ATRNL1: variants seen among roughly 807,000 people sequenced by gnomAD.
The protein encoded by ATRNL1 is attractin like 1.
Under a neutral mutation model 182.7 loss-of-function variants are expected in ATRNL1, and 95 were observed. That is an observed-to-expected ratio of 0.52 (90% confidence interval 0.44 to 0.62). The LOEUF is 0.62. Ranked by LOEUF, ATRNL1 falls within the 20% of genes least tolerant of loss-of-function variation. The probability of loss-of-function intolerance (pLI) is 0.00; values close to 1 mark genes in which losing one functional copy is unlikely to be tolerated. For missense variants in ATRNL1, 1,471 were observed against 1,679.5 expected (o/e 0.88, Z 2.17); for synonymous variants, 576 against 568.3 (o/e 1.01, Z -0.19).
chr10:115,502,817 A>G (rs529554126), intron 24 of ATRNL1, among the ~76,000 whole-genome samples: 7 of 152,114 alleles, frequency 4.6e-5, no homozygotes, highest in Non-Finnish European at 8.8e-5. Context: ...GAGTGCAGCA[A>G]ATCACCATGG....
rs782759728 is a variant in ATRNL1 at position 115,467,228 on chromosome 10, A to G, written c.3472A>G (p.Ile1158Val). Residue 1158 changes from isoleucine to valine, a missense_variant, in exon 23 of 29, where the codon ATT becomes GTT. Coordinates refer to ENST00000355044, the MANE Select transcript of ATRNL1 (RefSeq NM_207303.4). ...INASNNFNLN[I>V]TWSVGSTAGT... is the part of the protein sequence containing the mutation. Reference sequence around the variant, plus strand: ...TGCATCAAACAACTTTAATCTCAACATTACGTGGTCTGTCGGTTCAACAGG... The same window carrying G: ...TGCATCAAACAACTTTAATCTCAACGTTACGTGGTCTGTCGGTTCAACAGG... 2.5e-6 allele frequency: 4 copies of G among 1,604,356 alleles called. No homozygotes were observed. In the East Asian group the frequency reaches 6.8e-5, roughly 27 times the overall value.
intron 28 of ATRNL1, among the ~76,000 whole-genome samples, chr10:115,942,073 A>C (rs1458986365): frequency 6.6e-6 from 1 of 152,200 alleles, no homozygotes; most frequent in Admixed American, 6.5e-5. Flanking sequence ...GCTTATTATA[A>C]TTTTGTAATT....
intron 5 of ATRNL1, among the ~76,000 whole-genome samples, chr10:115,155,845 T>G (rs1174170655): frequency 6.6e-6 from 1 of 152,106 alleles, no homozygotes; most frequent in East Asian, 1.9e-4. Flanking sequence ...GAAGACCAGG[T>G]TTTAGACTAT....
chr10:115,187,742 AGT>A (rs1309609262), intron 8 of ATRNL1, among the ~76,000 whole-genome samples: 3 of 125,046 alleles, frequency 2.4e-5, no homozygotes, highest in Non-Finnish European at 4.7e-5. Context: ...CCCAGGCTGG[AGT>A]GATCTCGGCT....
intron 5 of ATRNL1, among the ~76,000 whole-genome samples, chr10:115,148,375 T>C (rs2143874521): frequency 6.6e-6 from 1 of 152,318 alleles, no homozygotes; most frequent in African/African-American, 2.4e-5. Flanking sequence ...TATAAGATTA[T>C]ATCATCAGCA....
rs1476820526 is a variant in ATRNL1 at position 115,276,982 on chromosome 10, C to A, written c.2101-4373C>A. Among the ~76,000 whole-genome samples the A allele has an allele frequency of 2.6e-5, 4 of 152,056 alleles. No individual in the cohort carries two copies. In the East Asian group the frequency reaches 5.8e-4, roughly 22 times the overall value. On this transcript the variant is annotated intron_variant, in intron 13 of 28. Coordinates refer to ENST00000355044, the MANE Select transcript of ATRNL1 (RefSeq NM_207303.4). ...TAAAGATTGACATAAAACTATTATTCTTTTTCTTATTCCAACATGTTTAGC... is the reference window on the plus strand; with the variant it reads ...TAAAGATTGACATAAAACTATTATTATTTTTCTTATTCCAACATGTTTAGC...
chr10:115,356,175 T>C (rs141511616), intron 19 of ATRNL1, among the ~76,000 whole-genome samples: 1 of 152,196 alleles, frequency 6.6e-6, no homozygotes, highest in East Asian at 1.9e-4. Context: ...TCTCACACAT[T>C]GTAGATTATT....
intron 27 of ATRNL1, among the ~76,000 whole-genome samples, chr10:115,764,075 T>C (rs1390614046): frequency 6.6e-6 from 1 of 152,230 alleles, no homozygotes; most frequent in East Asian, 1.9e-4. Flanking sequence ...GCTTTATAGA[T>C]GCAGTGTTCT....
intron 21 of ATRNL1, among the ~76,000 whole-genome samples, chr10:115,427,813 A>G (rs1305551722): frequency 1.3e-5 from 2 of 151,704 alleles, no homozygotes; most frequent in Non-Finnish European, 2.9e-5. Context: ...TAGCACATTT[A>G]TAATTAATGT....
At chr10:115,699,189 C>T (rs1325762461) in intron 26 of ATRNL1, among the ~76,000 whole-genome samples, 1 of 152,024 alleles carries the variant, frequency 6.6e-6, no homozygotes, top group Non-Finnish European at 1.5e-5. Context: ...ATCAATTCTA[C>T]TGAATCTAAG....
rs58155967 is a variant in ATRNL1 at position 115,389,540 on chromosome 10, G to GTATATATATATATATA, written c.3176-5083_3176-5068dup. ...CTGAATAGTATTCAAATGTGTATGT[G>GTATATATATATATATA]TATATATATATATATATATATATAT... On this transcript the variant is annotated intron_variant, in intron 19 of 28. Transcript: ENST00000355044. Among the ~76,000 whole-genome samples, 5 of 44,488 alleles carry GTATATATATATATATA rather than the reference G, an allele frequency of 1.1e-4. 2 individuals are homozygous for GTATATATATATATATA. The highest frequency in any genetic ancestry group is 2.1e-4 in the Non-Finnish European group (5 of 23,666). The allele number at this position is 44,488 out of a possible 152,430, so 29.2% of individuals were successfully genotyped here. A position where few individuals can be genotyped will look rare whatever the true frequency, so the allele number is the denominator to read the frequency against.
chr10:115,820,749 C>T (rs1950274830), intron 27 of ATRNL1, among the ~76,000 whole-genome samples: 1 of 152,080 alleles, frequency 6.6e-6, no homozygotes, highest in African/African-American at 2.4e-5. Flanking sequence ...TGACTTGGCT[C>T]TATCAAAGAC....
chr10:115,848,825 G>A (rs1555099743), intron 28 of ATRNL1, among the ~76,000 whole-genome samples: 1 of 152,070 alleles, frequency 6.6e-6, no homozygotes, highest in South Asian at 2.1e-4. Context: ...TGCTTTTTGA[G>A]GGCAAGGGTG....
Position 115,751,113 on chromosome 10 carries a change from A to G in ATRNL1, c.3903+23758A>G, listed in dbSNP as rs562823772. On this transcript the variant is annotated intron_variant, in intron 27 of 28. Transcript: ENST00000355044. ...CAAAGTAATCACAAAGGTCCTTACCAGTGAAAGAGGAGTCAGTCAGAGGAG... is the reference window on the plus strand; with the variant it reads ...CAAAGTAATCACAAAGGTCCTTACCGGTGAAAGAGGAGTCAGTCAGAGGAG... 2.0e-4 allele frequency among the ~76,000 whole-genome samples: 31 copies of G among 152,174 alleles called. No individual in the cohort carries two copies. In the South Asian group the frequency reaches 6.2e-3, roughly 31 times the overall value.
intron 5 of ATRNL1, among the ~76,000 whole-genome samples, chr10:115,155,377 A>G (rs1846462210): frequency 6.6e-6 from 1 of 152,018 alleles, no homozygotes; most frequent in Admixed American, 6.6e-5. Context: ...GGTTGTCTTA[A>G]TAATAACAAA....
intron 19 of ATRNL1, among the ~76,000 whole-genome samples, chr10:115,381,524 C>T (rs1033222555): frequency 6.7e-6 from 1 of 150,172 alleles, no homozygotes; most frequent in Non-Finnish European, 1.5e-5. Flanking sequence ...CCGCCCGTCT[C>T]GGCCTTCCAA....
intron 21 of ATRNL1, among the ~76,000 whole-genome samples, chr10:115,442,303 C>CTCTCTCTCTCTCTCTCTCTT (rs782157017): frequency 8.1e-6 from 1 of 123,766 alleles, no homozygotes; most frequent in Non-Finnish European, 1.7e-5. Flanking sequence ...CTCTCTCTCT[C>CTCTCTCTCTCTCTCTCTCTT]TGTGTGTATG....
chr10:115,528,051 T>C (rs1388438446), intron 25 of ATRNL1, among the ~76,000 whole-genome samples: 2 of 79,656 alleles, frequency 2.5e-5, no homozygotes, highest in African/African-American at 7.4e-5. Flanking sequence ...CCTTCCTTCC[T>C]TCCTTCCTTC....
intron 28 of ATRNL1, among the ~76,000 whole-genome samples, chr10:115,873,275 C>G (rs1951626310): frequency 6.6e-6 from 1 of 152,176 alleles, no homozygotes; most frequent in Admixed American, 6.5e-5. Flanking sequence ...GACAAGGAAC[C>G]AGGACCTAGA....
Sources: allele counts gnomAD v4.1 joint callset (sites outside exome capture counted in the v4.1 genomes callset), GRCh38; gene constraint gnomAD v4.1.1; transcripts MANE v1.5; gene names NCBI Gene and HGNC (gene_info 2026-07-23, HGNC 2026-07-21).